The following TMC1 variants were observed in gnomAD, a reference collection of about 807,000 sequenced individuals.
The protein encoded by TMC1 is transmembrane channel-like protein 1.
A neutral mutation model predicts 105.8 loss-of-function variants in TMC1; 84 were observed. That is an observed-to-expected ratio of 0.79 (90% CI 0.67 to 0.95). The LOEUF is 0.95. Ranked by LOEUF, TMC1 falls within the 40% of genes least tolerant of loss-of-function variation. TMC1 has a pLI of 0.00. For synonymous variants in TMC1, 315 were observed against 311.5 expected (o/e 1.01, Z -0.12); for missense variants, 817 against 914.1 (o/e 0.89, Z 1.37).
intron 8 of TMC1, among the ~76,000 whole-genome samples, chr9:72,703,334 C>T (rs1826678148): frequency 6.6e-6 from 1 of 152,010 alleles, no homozygotes; most frequent in South Asian, 2.1e-4. Flanking sequence ...ACTATGTCGC[C>T]CAGGCTGATC....
chr9:72,798,127 C>T (rs1051530835), intron 17 of TMC1, among the ~76,000 whole-genome samples: 4 of 152,156 alleles, frequency 2.6e-5, no homozygotes, highest in Admixed American at 2.6e-4. Context: ...AACTTCATAT[C>T]ACTGATCATT....
chr9:72,754,755 T>C (rs1240310201), intron 11 of TMC1, 31 bp from the exon 12 acceptor site: 3 of 1,535,214 alleles, frequency 2.0e-6, no homozygotes, highest in Non-Finnish European at 2.7e-6. Context: ...TGTTTCTAAT[T>C]GTTCACTGCT....
At chr9:72,581,213 C>G (rs1824468750) in intron 2 of TMC1, among the ~76,000 whole-genome samples, 2 of 152,196 alleles carry the variant, frequency 1.3e-5, no homozygotes, top group Middle Eastern at 3.4e-3. Context: ...AATGCATCAC[C>G]CTTAACTAGC....
intron 12 of TMC1, among the ~76,000 whole-genome samples, chr9:72,769,620 C>G (rs761723805): frequency 6.6e-6 from 1 of 152,162 alleles, no homozygotes; most frequent in Non-Finnish European, 1.5e-5. Flanking sequence ...TGGAAGGGAA[C>G]GTCAAGAGTT....
At chr9:72,667,171 T>C (rs985665995) in intron 5 of TMC1, among the ~76,000 whole-genome samples, 2 of 152,196 alleles carry the variant, frequency 1.3e-5, no homozygotes, top group Admixed American at 6.5e-5. Flanking sequence ...GTAGGGGAAC[T>C]AGTGATAACT....
chr9:72,536,349 T>C (rs1467010823), intron 1 of TMC1, among the ~76,000 whole-genome samples: 1 of 152,216 alleles, frequency 6.6e-6, no homozygotes, highest in African/African-American at 2.4e-5. Context: ...ATTCTTTTTT[T>C]TGAGGCAGAG....
intron 17 of TMC1, among the ~76,000 whole-genome samples, chr9:72,805,123 G>C (rs1804752714): frequency 6.6e-6 from 1 of 151,980 alleles, no homozygotes; most frequent in Admixed American, 6.6e-5. Context: ...TCCTGTTTTT[G>C]GCTCTCGTAT....
intron 3 of TMC1, among the ~76,000 whole-genome samples, chr9:72,622,566 G>C (rs1825272832): frequency 6.6e-6 from 1 of 151,940 alleles, no homozygotes; most frequent in South Asian, 2.1e-4. Flanking sequence ...GTAATTTTTG[G>C]AACATTAAAT....
rs1326877189 is a variant in TMC1 at position 72,628,792 on chromosome 9, G to A, written c.-53+729G>A. On this transcript the variant is annotated intron_variant, in intron 4 of 23. Transcript: ENST00000297784. ...TTTTATAGAGAGCTTTATTTATCTT[G>A]CCTTTGGAAAGTATAATTTGTATTT... Among the ~76,000 whole-genome samples, 3 of 152,258 alleles carry A rather than the reference G, an allele frequency of 2.0e-5. No homozygotes were observed. The East Asian group carries it at 5.8e-4, about 29-fold the overall frequency.
chr9:72,829,504 AAC>A (rs202093928), intron 21 of TMC1, among the ~76,000 whole-genome samples: 6 of 151,716 alleles, frequency 4.0e-5, no homozygotes, highest in Non-Finnish European at 5.9e-5. Context: ...ACCACACACA[AAC>A]ACACACACAC....
chr9:72,772,307 C>G, intron 12 of TMC1, 106 bp from the exon 13 acceptor site: 2 of 1,460,304 alleles, frequency 1.4e-6, no homozygotes. Flanking sequence ...AGCTGTGACC[C>G]AAGTTTGAAA....
intron 13 of TMC1, among the ~76,000 whole-genome samples, chr9:72,786,457 CAA>C (rs371017416): frequency 6.7e-6 from 1 of 150,136 alleles, no homozygotes; most frequent in Admixed American, 6.9e-5. Context: ...AAAAACAAAA[CAA>C]AAACAAAAAC....
chr9:72,564,823 G>T (rs1323085429), intron 1 of TMC1, among the ~76,000 whole-genome samples: 1 of 152,164 alleles, frequency 6.6e-6, no homozygotes, highest in Non-Finnish European at 1.5e-5. Context: ...TCCTGACTGT[G>T]CCACTTTGTG....
At chr9:72,797,823 C>T (rs1434660214) in intron 17 of TMC1, among the ~76,000 whole-genome samples, 1 of 152,044 alleles carries the variant, frequency 6.6e-6, no homozygotes, top group East Asian at 1.9e-4. Flanking sequence ...GATTTCATGA[C>T]AAAAATGCCA....
intron 2 of TMC1, among the ~76,000 whole-genome samples, chr9:72,581,573 T>C (rs7869008): frequency 0.58 from 87,761 of 152,130 alleles, 26,956 homozygotes; most frequent in African/African-American, 0.81. Context: ...ATTACAGTTT[T>C]GCTACACAGT....
At chr9:72,605,221 A>G (rs114383357) in intron 2 of TMC1, among the ~76,000 whole-genome samples, 1,627 of 152,300 alleles carry the variant, frequency 0.011, 33 homozygotes, top group African/African-American at 0.037. Flanking sequence ...TCATTTATCT[A>G]TAGTTGCATA....
At chr9:72,713,899 G>T (rs964830276) in intron 8 of TMC1, among the ~76,000 whole-genome samples, 3 of 151,862 alleles carry the variant, frequency 2.0e-5, no homozygotes, top group African/African-American at 7.3e-5. Flanking sequence ...TCTCTTGTGG[G>T]CTTTTAGTGC....
At chr9:72,717,810 G>A (rs1042048235) in intron 8 of TMC1, among the ~76,000 whole-genome samples, 3 of 152,124 alleles carry the variant, frequency 2.0e-5, no homozygotes, top group South Asian at 2.1e-4. Flanking sequence ...CCAGGTGTTC[G>A]TTGAACTTCT....
chr9:72,623,959 G>A (rs1825300580), intron 3 of TMC1, among the ~76,000 whole-genome samples: 4 of 152,130 alleles, frequency 2.6e-5, no homozygotes, highest in Admixed American at 2.6e-4. Context: ...TGGTGGTACT[G>A]GTAGAGGAAC....
Sources: gnomAD v4.1 joint callset for allele counts (sites outside exome capture counted in the v4.1 genomes callset) on GRCh38, gnomAD v4.1.1 for gene constraint, MANE v1.5 for transcripts, NCBI Gene and HGNC (gene_info 2026-07-23, HGNC 2026-07-21) for gene names.